CAMTA1: variants seen among roughly 807,000 people sequenced by gnomAD.
The protein encoded by CAMTA1 is calmodulin-binding transcription activator 1.
In CAMTA1, 27 loss-of-function variants were observed where a neutral mutation model predicts 170.9. That is an observed-to-expected ratio of 0.16 (90% confidence interval 0.12 to 0.22). CAMTA1 has a LOEUF of 0.22. Among genes scored for constraint, CAMTA1 ranks in the 10% least tolerant of loss-of-function variants. CAMTA1 has a pLI of 1.00. For synonymous variants in CAMTA1, 833 were observed against 891.5 expected, an observed-to-expected ratio of 0.93 and a Z score of 1.17; for missense variants, 1,619 against 2,217.2, an observed-to-expected ratio of 0.73 and a Z score of 5.42.
chr1:7,018,451 A>G (rs1255960046), intron 3 of CAMTA1, among the ~76,000 whole-genome samples: 1 of 152,066 alleles, frequency 6.6e-6, no homozygotes, highest in African/African-American at 2.4e-5. Flanking sequence ...TTACCCCCAG[A>G]AAGAACAGGT....
intron 3 of CAMTA1, among the ~76,000 whole-genome samples, chr1:6,908,563 ATCT>A (rs1679049809): frequency 6.6e-6 from 1 of 152,236 alleles, no homozygotes; most frequent in South Asian, 2.1e-4. Context: ...TGGCTCTGTC[ATCT>A]TCTCCAGGGT....
intron 5 of CAMTA1, among the ~76,000 whole-genome samples, chr1:7,277,933 A>G (rs1054289597): frequency 3.9e-5 from 6 of 152,162 alleles, no homozygotes; most frequent in Non-Finnish European, 2.9e-5. Context: ...TATTACTACT[A>G]TTTGCCATTA....
chr1:6,834,498 T>C, intron 3 of CAMTA1: 1 of 257,922 alleles, frequency 3.9e-6, no homozygotes, highest in South Asian at 5.5e-5. Context: ...CTCCTGCACT[T>C]GGCGGGGTAG....
chr1:7,099,557 T>G (rs918932480), intron 4 of CAMTA1, among the ~76,000 whole-genome samples: 1 of 152,224 alleles, frequency 6.6e-6, no homozygotes, highest in African/African-American at 2.4e-5. Flanking sequence ...ATTTGTCAAT[T>G]TTAGACATCA....
chr1:7,574,353 C>G (rs943402744), intron 6 of CAMTA1, among the ~76,000 whole-genome samples: 2 of 152,220 alleles, frequency 1.3e-5, no homozygotes, highest in African/African-American at 4.8e-5. Flanking sequence ...GAAGGAAGGG[C>G]AGCCCACTCC....
intron 11 of CAMTA1, among the ~76,000 whole-genome samples, chr1:7,684,680 G>A (rs1016026498): frequency 5.3e-5 from 8 of 152,278 alleles, no homozygotes; most frequent in Middle Eastern, 3.4e-3. Context: ...GTGTGAACCC[G>A]TCTTAATGAA....
intron 5 of CAMTA1, among the ~76,000 whole-genome samples, chr1:7,439,848 A>C (rs910307437): frequency 2.6e-5 from 4 of 152,222 alleles, no homozygotes; most frequent in African/African-American, 9.6e-5. Flanking sequence ...GAGGCTGTCC[A>C]AGGTGCGGAG....
At position 7,736,280 on chromosome 1, in the gene CAMTA1, C is replaced by T. The variant is rs542490217; in HGVS notation, c.3067-64C>T. 239 of 1,372,492 alleles carry T rather than the reference C, an allele frequency of 1.7e-4. No individual in the cohort carries two copies. The African/African-American group carries it at 3.0e-3, about 17-fold the overall frequency. 85.0% of individuals were successfully genotyped at this position (1,372,492 alleles called of 1,614,324 possible). A position where few individuals can be genotyped will look rare whatever the true frequency, so the allele number is the denominator to read the frequency against. Reference sequence around the variant, plus strand: ...CGTAAAGCATTTGTTTCCCCTACATCGAAGCGCTGATGGGGTCGAGGGCCT... The same window carrying T: ...CGTAAAGCATTTGTTTCCCCTACATTGAAGCGCTGATGGGGTCGAGGGCCT... On this transcript the variant is annotated intron_variant, in intron 12 of 22. Transcript: ENST00000303635. The surrounding 1 kb of genome is among the most constrained non-coding windows in gnomAD (Gnocchi z 4.5).
rs1305042558 is a variant in CAMTA1 at position 7,103,201 on chromosome 1, C to A, written c.302+11830C>A. On this transcript the variant is annotated intron_variant, in intron 4 of 22. Coordinates refer to ENST00000303635, the MANE Select transcript of CAMTA1 (RefSeq NM_015215.4). ...TATTATTAACACCCTTGCCTGGTTG[C>A]CCTAGGGATGGACAATGAACTGGAA... Among the ~76,000 whole-genome samples the A allele has an allele frequency of 2.6e-5, 4 of 151,940 alleles. No homozygotes were observed. In the East Asian group the frequency reaches 7.7e-4, roughly 29 times the overall value.
At chr1:7,138,553 C>T (rs762845608) in intron 4 of CAMTA1, among the ~76,000 whole-genome samples, 3 of 152,204 alleles carry the variant, frequency 2.0e-5, no homozygotes, top group Non-Finnish European at 4.4e-5. Context: ...CATGTTTTCT[C>T]CCATCCCGCC....
chr1:7,086,454 A>G (rs1640756435), intron 3 of CAMTA1, among the ~76,000 whole-genome samples: 1 of 152,144 alleles, frequency 6.6e-6, no homozygotes, highest in South Asian at 2.1e-4. Flanking sequence ...GACACATAAC[A>G]TAAAATTTAC....
chr1:6,965,958 G>A lies in CAMTA1; in HGVS notation c.235-125346G>A, dbSNP rs1404566741. Among the ~76,000 whole-genome samples the A allele has an allele frequency of 7.2e-5, 11 of 152,090 alleles. No individual in the cohort carries two copies. The highest frequency in any genetic ancestry group is 7.2e-4 in the Admixed American group (11 of 15,274). ...TCTTGGGATCTTTCTGGGACTGGTC[G>A]CAGCAGCTTCCTAGGTCAAGAACAA... On this transcript the variant is annotated intron_variant, in intron 3 of 22. Transcript: ENST00000303635. The surrounding 1 kb of genome is among the most constrained non-coding windows in gnomAD (Gnocchi z 4.1).
chr1:7,495,507 G>A (rs1255483490), intron 6 of CAMTA1, among the ~76,000 whole-genome samples: 2 of 152,194 alleles, frequency 1.3e-5, no homozygotes, highest in Non-Finnish European at 2.9e-5. Context: ...CATCTACCCG[G>A]CTTGGGCATG....
At chr1:7,759,405 G>GTA (rs1409430535) in intron 22 of CAMTA1, among the ~76,000 whole-genome samples, 1 of 152,100 alleles carries the variant, frequency 6.6e-6, no homozygotes, top group Non-Finnish European at 1.5e-5. Flanking sequence ...TTTTCACTGA[G>GTA]TACAGCTCAC....
In CAMTA1 at chr1:7,752,587, T is replaced by C. The variant is rs746249873; in HGVS notation, c.4958+54T>C. On this transcript the variant is annotated intron_variant, in intron 21 of 22. Coordinates refer to ENST00000303635, the MANE Select transcript of CAMTA1 (RefSeq NM_015215.4). Reference sequence around the variant, plus strand: ...CTCAGGGAGAATGATGAAGCAACCCTGACCTTCTTAACCCTCACTAACTCC... The same window carrying C: ...CTCAGGGAGAATGATGAAGCAACCCCGACCTTCTTAACCCTCACTAACTCC... The C allele has an allele frequency of 2.8e-6, 4 of 1,411,202 alleles. No homozygotes were observed. The African/African-American group carries it at 5.7e-5, about 20-fold the overall frequency. 87.4% of individuals were successfully genotyped at this position (1,411,202 alleles called of 1,614,324 possible). A position where few individuals can be genotyped will look rare whatever the true frequency, so the allele number is the denominator to read the frequency against.
Position 7,768,747 on chromosome 1 carries a change from T to A in CAMTA1, c.*2256T>A, listed in dbSNP as rs1400893668. On this transcript the variant is annotated 3_prime_UTR_variant, in exon 23 of 23. Coordinates refer to ENST00000303635, the MANE Select transcript of CAMTA1 (RefSeq NM_015215.4). ...AACTGACCTGACTCCATTTTGTTTT[T>A]AAATGTGTGGGTTATGTTGCAGCTG... 3 of 152,816 alleles carry A rather than the reference T, an allele frequency of 2.0e-5. No homozygotes were observed. In the East Asian group the frequency reaches 5.6e-4, roughly 29 times the overall value. 9.5% of individuals were successfully genotyped at this position (152,816 alleles called of 1,614,324 possible).
intron 5 of CAMTA1, among the ~76,000 whole-genome samples, chr1:7,348,662 G>C (rs2084408879): frequency 6.6e-6 from 1 of 152,220 alleles, no homozygotes; most frequent in African/African-American, 2.4e-5. Context: ...CAGTTTGAGA[G>C]GAGAGAGCAA....
At chr1:7,397,469 G>A (rs2089418650) in intron 5 of CAMTA1, among the ~76,000 whole-genome samples, 1 of 151,818 alleles carries the variant, frequency 6.6e-6, no homozygotes, top group Non-Finnish European at 1.5e-5. Flanking sequence ...TTATTTTGTT[G>A]ATATATTGTA....
chr1:6,843,376 AG>A (rs1656671963), intron 3 of CAMTA1, among the ~76,000 whole-genome samples: 1 of 152,200 alleles, frequency 6.6e-6, no homozygotes, highest in African/African-American at 2.4e-5. Flanking sequence ...GTATTTTACA[AG>A]GTGATCAGTT....
Sources: allele counts gnomAD v4.1 joint callset (sites outside exome capture counted in the v4.1 genomes callset), GRCh38; gene constraint gnomAD v4.1.1; non-coding constraint Gnocchi (gnomAD v3.1); transcripts MANE v1.5; gene names NCBI Gene and HGNC (gene_info 2026-07-23, HGNC 2026-07-21).